PPP1R13B: variants seen among roughly 807,000 people sequenced by gnomAD.
PPP1R13B encodes the protein protein phosphatase 1 regulatory subunit 13B.
Under a neutral mutation model 119.8 loss-of-function variants are expected in PPP1R13B, and 44 were observed. That is an observed-to-expected ratio of 0.37 (90% confidence interval 0.29 to 0.47). PPP1R13B has a LOEUF of 0.47. Among genes scored for constraint, PPP1R13B ranks in the 20% least tolerant of loss-of-function variants. The probability of loss-of-function intolerance (pLI) is 0.99; values close to 1 mark genes in which losing one functional copy is unlikely to be tolerated. For synonymous variants in PPP1R13B, 542 were observed against 561.5 expected (o/e 0.97, Z 0.49); for missense variants, 1,227 against 1,413.5 (o/e 0.87, Z 2.12).
intron 3 of PPP1R13B, among the ~76,000 whole-genome samples, chr14:103,780,681 G>A (rs2085316339): frequency 6.6e-6 from 1 of 151,394 alleles, no homozygotes; most frequent in Admixed American, 6.6e-5. Context: ...CGGCATGGTG[G>A]TGCACACCTG....
intron 1 of PPP1R13B, among the ~76,000 whole-genome samples, chr14:103,801,418 C>T (rs1400483861): frequency 6.6e-6 from 1 of 152,112 alleles, no homozygotes; most frequent in African/African-American, 2.4e-5. Context: ...AAGCACTAAA[C>T]CTCCCTCCAT....
chr14:103,827,315 G>A (rs1288626136), intron 1 of PPP1R13B, among the ~76,000 whole-genome samples: 2 of 152,072 alleles, frequency 1.3e-5, no homozygotes, highest in African/African-American at 2.4e-5. Flanking sequence ...CAACCCAAGC[G>A]ACAGAGCGAG....
chr14:103,764,812 A>G (rs535973291), intron 4 of PPP1R13B, among the ~76,000 whole-genome samples: 1 of 152,142 alleles, frequency 6.6e-6, no homozygotes, highest in Non-Finnish European at 1.5e-5. Flanking sequence ...TAAAGTAAAT[A>G]CAGCTGTTTT....
At chr14:103,812,661 C>A (rs926681339) in intron 1 of PPP1R13B, among the ~76,000 whole-genome samples, 3 of 152,100 alleles carry the variant, frequency 2.0e-5, no homozygotes, top group Non-Finnish European at 4.4e-5. Context: ...TCAAATGATC[C>A]CCCTGCCTCA....
intron 4 of PPP1R13B, among the ~76,000 whole-genome samples, chr14:103,759,609 A>G (rs2084757700): frequency 6.6e-6 from 1 of 152,090 alleles, no homozygotes; most frequent in Non-Finnish European, 1.5e-5. Context: ...CCCAGACTTA[A>G]ACACTTTTTG....
At position 103,754,121 on chromosome 14, in the gene PPP1R13B, G is replaced by A. The variant is rs968897903; in HGVS notation, c.580C>T (p.Arg194Cys). Residue 194 changes from arginine to cysteine, a missense_variant, in exon 6 of 17, where the codon CGT becomes TGT. Coordinates refer to ENST00000202556, the MANE Select transcript of PPP1R13B (RefSeq NM_015316.3). ...TAGTCGACTTGTCCTCTCATTGCACGAATTTTCTTCAGCTTGTTCTCCTGG... is the reference window on the plus strand; with the variant it reads ...TAGTCGACTTGTCCTCTCATTGCACAAATTTTCTTCAGCTTGTTCTCCTGG... ...EAQENKLKKI[R>C]AMRGQVDYSK... The A allele has an allele frequency of 1.2e-5, 20 of 1,613,826 alleles. No individual in the cohort carries two copies. Among genetic ancestry groups the A allele is most frequent in the Non-Finnish European group, 1.5e-5 (18 of 1,180,006 alleles).
rs2084056209 is a variant in PPP1R13B at position 103,734,938 on chromosome 14, TC to T, written c.*215del. ...TTGGATTTATAGTAATTGGCAAAAT[TC>T]AGTCCTTGGAGGCGAAAGTACCTCT... is the stretch of plus-strand genomic sequence containing the variant. On this transcript the variant is annotated 3_prime_UTR_variant, in exon 17 of 17. Coordinates refer to ENST00000202556, the MANE Select transcript of PPP1R13B (RefSeq NM_015316.3). 2 of 687,682 alleles carry T rather than the reference TC, an allele frequency of 2.9e-6. No individual in the cohort carries two copies. Among genetic ancestry groups the T allele is most frequent in the East Asian group, 5.6e-5 (2 of 35,662 alleles). 42.6% of individuals were successfully genotyped at this position (687,682 alleles called of 1,614,324 possible).
At chr14:103,779,720 G>A (rs2085294623) in intron 3 of PPP1R13B, among the ~76,000 whole-genome samples, 1 of 152,188 alleles carries the variant, frequency 6.6e-6, no homozygotes, top group Non-Finnish European at 1.5e-5. Context: ...CTAGGAGGTA[G>A]AGACTGCAGT....
chr14:103,763,754 G>T (rs1380971937), intron 4 of PPP1R13B: 4 of 152,154 alleles, frequency 2.6e-5, no homozygotes, highest in African/African-American at 7.2e-5. Flanking sequence ...CTCTGTTTTA[G>T]AATGTTTCCA....
intron 4 of PPP1R13B, among the ~76,000 whole-genome samples, chr14:103,768,531 T>C (rs1016307369): frequency 2.0e-5 from 3 of 151,664 alleles, no homozygotes; most frequent in East Asian, 2.0e-4. Flanking sequence ...TCTCCTGACC[T>C]TGTGATCCGC....
chr14:103,814,103 C>T (rs2086221647), intron 1 of PPP1R13B, among the ~76,000 whole-genome samples: 1 of 152,156 alleles, frequency 6.6e-6, no homozygotes, highest in African/African-American at 2.4e-5. Flanking sequence ...TAATCCAGCA[C>T]TTTGGGAGGC....
chr14:103,837,770 G>A (rs976103195), intron 1 of PPP1R13B, among the ~76,000 whole-genome samples: 1 of 152,048 alleles, frequency 6.6e-6, no homozygotes. Context: ...TCTGGCTCTA[G>A]AATTATCTTT....
At chr14:103,764,449 T>C (rs759498581) in intron 4 of PPP1R13B, 3 of 351,984 alleles carry the variant, frequency 8.5e-6, no homozygotes, top group South Asian at 6.6e-5. Context: ...TCTTGTTGAA[T>C]TGTAACAGTA....
chr14:103,770,250 A>G (rs1490315003), intron 4 of PPP1R13B, among the ~76,000 whole-genome samples: 1 of 152,164 alleles, frequency 6.6e-6, no homozygotes, highest in Non-Finnish European at 1.5e-5. Context: ...GTGGTAGCTC[A>G]TGCCTGTAAT....
chr14:103,839,300 C>T (rs1486518027), intron 1 of PPP1R13B, among the ~76,000 whole-genome samples: 1 of 151,870 alleles, frequency 6.6e-6, no homozygotes, highest in Non-Finnish European at 1.5e-5. Context: ...GCGTGAGCCA[C>T]AGCACCCAGC....
At chr14:103,743,094 C>T (rs1328168239) in intron 9 of PPP1R13B, among the ~76,000 whole-genome samples, 1 of 152,260 alleles carries the variant, frequency 6.6e-6, no homozygotes, top group Non-Finnish European at 1.5e-5. Flanking sequence ...CACGCCAAAC[C>T]AAGGCTCCAC....
At chr14:103,752,223 G>A (rs1018615083) in intron 7 of PPP1R13B, among the ~76,000 whole-genome samples, 2 of 152,144 alleles carry the variant, frequency 1.3e-5, no homozygotes, top group African/African-American at 2.4e-5. Context: ...TGGAGCTCAG[G>A]AAGTTTCAGA....
chr14:103,831,029 C>T (rs974176268), intron 1 of PPP1R13B, among the ~76,000 whole-genome samples: 1 of 150,736 alleles, frequency 6.6e-6, no homozygotes, highest in Non-Finnish European at 1.5e-5. Context: ...CTGCAACCTC[C>T]GCCTCCCGAG....
At position 103,824,947 on chromosome 14, in the gene PPP1R13B, A is replaced by AT. The variant is rs542810950; in HGVS notation, c.9+22351dup. Among the ~76,000 whole-genome samples, 504 of 119,792 alleles carry AT rather than the reference A, an allele frequency of 4.2e-3. 2 individuals carry two copies. Among genetic ancestry groups the AT allele is most frequent in the Non-Finnish European group, 6.2e-3 (346 of 56,136 alleles). 78.6% of individuals were successfully genotyped at this position (119,792 alleles called of 152,430 possible). A position where few individuals can be genotyped will look rare whatever the true frequency, so the allele number is the denominator to read the frequency against. On this transcript the variant is annotated intron_variant, in intron 1 of 16. Transcript: ENST00000202556. The stretch of plus-strand genomic sequence containing the variant: ...CTTTATTGAGTTCTGCAGATATTGC[A>AT]TTTTTTTTAACAAATTGACGGGCTG...
Sources: gnomAD v4.1 joint callset for allele counts (sites outside exome capture counted in the v4.1 genomes callset) on GRCh38, gnomAD v4.1.1 for gene constraint, MANE v1.5 for transcripts, NCBI Gene and HGNC (gene_info 2026-07-23, HGNC 2026-07-21) for gene names.